The following TIPARP variants were observed in gnomAD, a reference collection of about 807,000 sequenced individuals.
TIPARP encodes the protein TCDD inducible poly(ADP-ribose) polymerase, also known as protein mono-ADP-ribosyltransferase TIPARP.
TIPARP carries 12 observed loss-of-function variants against 56.5 expected under a neutral mutation model. The ratio of observed to expected loss-of-function variants is 0.21; its 90% confidence interval spans 0.14 to 0.34. The LOEUF (loss-of-function observed/expected upper bound fraction) is 0.34. Ranked by LOEUF, TIPARP falls within the 10% of genes least tolerant of loss-of-function variation. The pLI, the probability that TIPARP is intolerant of heterozygous loss-of-function variation, is 1.00. For synonymous variants in TIPARP, 296 were observed against 265.7 expected (o/e 1.11, Z -1.11); for missense variants, 604 against 781.6 (o/e 0.77, Z 2.71).
chr3:156,686,121 CAG>C (rs1722421911), intron 2 of TIPARP, among the ~76,000 whole-genome samples: 1 of 152,130 alleles, frequency 6.6e-6, no homozygotes, highest in African/African-American at 2.4e-5. Context: ...GTATGTGAAA[CAG>C]AGTCAGGGTA....
In TIPARP at chr3:156,705,724, C is replaced by T. The variant is rs1394022400; in HGVS notation, c.*593C>T. 1 of 152,580 alleles carries T rather than the reference C, an allele frequency of 6.6e-6. No individual in the cohort carries two copies. The highest frequency in any genetic ancestry group is 1.5e-5 in the Non-Finnish European group (1 of 68,040). 9.5% of individuals were successfully genotyped at this position (152,580 alleles called of 1,614,324 possible). A position where few individuals can be genotyped will look rare whatever the true frequency, so the allele number is the denominator to read the frequency against. On this transcript the variant is annotated 3_prime_UTR_variant, in exon 6 of 6. Coordinates refer to ENST00000295924, the MANE Select transcript of TIPARP (RefSeq NM_015508.5). ...ACTTTAACTTCTGCAGAGTTTGCCC[C>T]AGAATTCAGAGTTCTATTTAGAGGA...
chr3:156,694,049 C>T lies in TIPARP; in HGVS notation c.947C>T (p.Ala316Val), dbSNP rs1379031614. Reference sequence around the variant, plus strand: ...CAAGAATTTTGGGCAGATTTGAATGCCATGAACGTGTATGAAACAACTGAA... The same window carrying T: ...CAAGAATTTTGGGCAGATTTGAATGTCATGAACGTGTATGAAACAACTGAA... The part of the protein sequence containing the change: ...GGQEFWADLN[A>V]MNVYETTEFD... The change falls in exon 3 of 6, where the codon GCC becomes GTC. Residue 316 changes from alanine (A) to valine (V), a missense_variant. Transcript: ENST00000295924. 1 of 1,610,792 alleles carries T rather than the reference C, an allele frequency of 6.2e-7. No individual in the cohort carries two copies. The highest frequency in any genetic ancestry group is 1.1e-5 in the South Asian group (1 of 90,366).
In TIPARP at chr3:156,705,313, C is replaced by G; in HGVS notation, c.*182C>G. ...AAAAATACAAGTTTTAAAATGACCA[C>G]TTACTCTTTAATTATTTACTAATTG... On this transcript the variant is annotated 3_prime_UTR_variant, in exon 6 of 6. Transcript: ENST00000295924. 1.9e-6 allele frequency: 1 copy of G among 540,412 alleles called. No individual in the cohort carries two copies. The highest frequency in any genetic ancestry group is 3.2e-6 in the Non-Finnish European group (1 of 310,420). 33.5% of individuals were successfully genotyped at this position (540,412 alleles called of 1,614,324 possible).
rs151091113 is a variant in TIPARP at position 156,678,216 on chromosome 3, T to C, written c.519T>C (p.Thr173=). ...ACCCAGTTTCAAGTGATGTTCCTAC[T>C]AGTCCTGACTGCTTAGACAAAGTCA... ...LLHPVSSDVP[T]SPDCLDKVID... Residue 173 remains threonine (T), a synonymous_variant, in exon 2 of 6, where the codon ACT becomes ACC. Coordinates refer to ENST00000295924, the MANE Select transcript of TIPARP (RefSeq NM_015508.5). The C allele has an allele frequency of 1.4e-5, 22 of 1,614,062 alleles. No homozygotes were observed. Among genetic ancestry groups the C allele is most frequent in the Non-Finnish European group, 1.9e-5 (22 of 1,180,054 alleles).
Position 156,678,544 on chromosome 3 carries a change from A to G in TIPARP, c.847A>G (p.Asn283Asp). 1 of 1,614,212 alleles carries G rather than the reference A, an allele frequency of 6.2e-7. No individual in the cohort carries two copies. Among genetic ancestry groups the G allele is most frequent in the Non-Finnish European group, 8.5e-7 (1 of 1,180,024 alleles). Residue 283 changes from asparagine to aspartate, a missense_variant, in exon 2 of 6, where the codon AAT (asparagine) becomes GAT (aspartate). Around this residue, in one of 4 missense-constraint regions of TIPARP, gnomAD observed 252 missense variants for 303.9 expected, o/e 0.83. Transcript: ENST00000295924. The stretch of plus-strand genomic sequence containing the variant: ...TACTCAAAAGTGGCAGAGTGTATTC[A>G]ATGATTCTCAGGAGCACTTGGAAAG... ...TTTQKWQSVFNDSQEHLERFY... is the reference protein window; with the variant it reads ...TTTQKWQSVFDDSQEHLERFY...
chr3:156,678,286 C>T lies in TIPARP; in HGVS notation c.589C>T (p.Gln197Ter). ...GIFQENSFTIQYILDTSDKLS... is the reference protein window; with the variant it reads ...GIFQENSFTI ...TTTCCAAGAAAACAGTTTTACAATCCAATACATTCTGGACACCAGTGATAA... is the reference window on the plus strand; with the variant it reads ...TTTCCAAGAAAACAGTTTTACAATCTAATACATTCTGGACACCAGTGATAA... The change falls in exon 2 of 6, where the codon CAA becomes TAA. Residue 197 changes from glutamine to a stop codon, truncating the protein, a stop_gained. Transcript: ENST00000295924. LOFTEE classifies it high-confidence loss of function. The T allele has an allele frequency of 6.2e-7, 1 of 1,614,118 alleles. No individual in the cohort carries two copies. The highest frequency in any genetic ancestry group is 8.5e-7 in the Non-Finnish European group (1 of 1,180,030).
intron 2 of TIPARP, among the ~76,000 whole-genome samples, chr3:156,689,684 C>G (rs1722517379): frequency 6.6e-6 from 1 of 152,232 alleles, no homozygotes; most frequent in African/African-American, 2.4e-5. Flanking sequence ...CCAGTTTTAT[C>G]CCTTATCTCT....
chr3:156,695,202 T>TTTATTTA (rs1722680730), intron 3 of TIPARP, among the ~76,000 whole-genome samples: 3 of 146,990 alleles, frequency 2.0e-5, no homozygotes, highest in Non-Finnish European at 4.5e-5. Flanking sequence ...CCTTTTCAAA[T>TTTATTTA]TTTATTTATT....
intron 4 of TIPARP, among the ~76,000 whole-genome samples, chr3:156,700,009 G>A (rs951971807): frequency 6.6e-6 from 1 of 152,028 alleles, no homozygotes; most frequent in African/African-American, 2.4e-5. Context: ...GATTCCAGAG[G>A]CTATGATCTT....
At chr3:156,692,491 ATACT>A (rs1355647363) in intron 2 of TIPARP, among the ~76,000 whole-genome samples, 2 of 152,056 alleles carry the variant, frequency 1.3e-5, no homozygotes, top group Non-Finnish European at 1.5e-5. Flanking sequence ...ATCTTATTTC[ATACT>A]TAATTAATAT....
chr3:156,697,717 T>C (rs1311601795), intron 4 of TIPARP, among the ~76,000 whole-genome samples: 1 of 152,160 alleles, frequency 6.6e-6, no homozygotes, highest in Non-Finnish European at 1.5e-5. Flanking sequence ...GGTGTTTCAT[T>C]ATTATTGTAT....
At chr3:156,704,622 C>T in intron 5 of TIPARP, 62 bp from the exon 6 acceptor site, 1 of 1,517,006 alleles carries the variant, frequency 6.6e-7, no homozygotes, top group Non-Finnish European at 8.9e-7. Flanking sequence ...ATGACTACAT[C>T]ATGCCTGTTA....
At position 156,704,008 on chromosome 3, in the gene TIPARP, G is replaced by A. The variant is rs573714637; in HGVS notation, c.1526+306G>A. ...AGCCTGGGCGACAGAGCCAGACTCCGTCTCAAAAAAAAAAAAAAAAAAGTT... is the reference window on the plus strand; with the variant it reads ...AGCCTGGGCGACAGAGCCAGACTCCATCTCAAAAAAAAAAAAAAAAAAGTT... On this transcript the variant is annotated intron_variant, in intron 5 of 5. Transcript: ENST00000295924. Among the ~76,000 whole-genome samples, 98 of 55,564 alleles carry A rather than the reference G, an allele frequency of 1.8e-3. 1 individual carries two copies. Among genetic ancestry groups the A allele is most frequent in the African/African-American group, 5.3e-3 (81 of 15,238 alleles). The allele number at this position is 55,564 out of a possible 152,430, so 36.5% of individuals were successfully genotyped here.
In TIPARP at chr3:156,674,676, GCT is replaced by G. The variant is rs1722066379; in HGVS notation, c.-160_-159del. The G allele has an allele frequency of 6.6e-6, 1 of 152,538 alleles. No individual in the cohort carries two copies. The highest frequency in any genetic ancestry group is 6.5e-5 in the Admixed American group (1 of 15,290). The allele number at this position is 152,538 out of a possible 1,614,324, so 9.4% of individuals were successfully genotyped here. On this transcript the variant is annotated 5_prime_UTR_variant, in exon 1 of 6. The change abolishes the stop of an existing upstream ORF in the 5' untranslated region. Coordinates refer to ENST00000295924, the MANE Select transcript of TIPARP (RefSeq NM_015508.5). Reference sequence around the variant, plus strand: ...GCGGCGGCGGAATGGCCCGTGCGCGGCTCGCCGCGTCGCGGCTCTGTGGTCCC... The same window carrying G: ...GCGGCGGCGGAATGGCCCGTGCGCGGCGCCGCGTCGCGGCTCTGTGGTCCC...
rs768649954 is a variant in TIPARP, at chr3:156,704,954, C to A, written c.1797C>A (p.Gly599=). Residue 599 remains glycine, a synonymous_variant, in exon 6 of 6, where the codon GGC becomes GGA. Coordinates refer to ENST00000295924, the MANE Select transcript of TIPARP (RefSeq NM_015508.5). The part of the protein sequence containing the change: ...AKVLTGRYTM[G]SHGMRRPPPV... ...TGCTGACGGGCAGATACACAATGGG[C>A]AGTCATGGCATGAGAAGGCCCCCGC... 2.5e-6 allele frequency: 4 copies of A among 1,614,214 alleles called. No homozygotes were observed. In the South Asian group the frequency reaches 4.4e-5, roughly 18 times the overall value.
Position 156,704,885 on chromosome 3 carries a change from TAAG to T in TIPARP, c.1732_1734del (p.Lys578del), listed in dbSNP as rs759868955. Reference sequence around the variant, plus strand: ...AGGCAAGCTACTCTCATAACTTTTCTAAGAAGTCCTCCAAAGGAGTCCACTTCA... The same window carrying T: ...AGGCAAGCTACTCTCATAACTTTTCTAAGTCCTCCAAAGGAGTCCACTTCA... On this transcript the variant is annotated inframe_deletion, in exon 6 of 6. Transcript: ENST00000295924. 1 of 1,614,222 alleles carries T rather than the reference TAAG, an allele frequency of 6.2e-7. No homozygotes were observed. The highest frequency in any genetic ancestry group is 8.5e-7 in the Non-Finnish European group (1 of 1,180,032).
chr3:156,675,643 G>A (rs1003316366), intron 1 of TIPARP: 8 of 152,264 alleles, frequency 5.3e-5, no homozygotes, highest in Non-Finnish European at 1.0e-4. Context: ...AAACCGCCGC[G>A]GCCAACAGGA....
At chr3:156,692,153 A>G (rs1722592236) in intron 2 of TIPARP, among the ~76,000 whole-genome samples, 1 of 152,208 alleles carries the variant, frequency 6.6e-6, no homozygotes, top group African/African-American at 2.4e-5. Context: ...AATTGGGAAC[A>G]GTTGCTGGGC....
intron 2 of TIPARP, among the ~76,000 whole-genome samples, chr3:156,680,791 A>G (rs900989852): frequency 3.9e-5 from 6 of 152,220 alleles, no homozygotes; most frequent in African/African-American, 1.2e-4. Context: ...ATTATGAGGT[A>G]GTTGCAGTGG....
Sources: allele counts gnomAD v4.1 joint callset (sites outside exome capture counted in the v4.1 genomes callset), GRCh38; gene constraint gnomAD v4.1.1; regional missense constraint gnomAD v4.1.1; transcripts MANE v1.5; gene names NCBI Gene and HGNC (gene_info 2026-07-23, HGNC 2026-07-21).